The following PUDP variants were observed in gnomAD, a reference collection of about 807,000 sequenced individuals.
PUDP encodes pseudouridine-5'-phosphatase.
PUDP carries 8 observed loss-of-function variants against 9.4 expected under a neutral mutation model. The ratio of observed to expected loss-of-function variants is 0.85; its 90% confidence interval spans 0.50 to 1.53. The LOEUF (loss-of-function observed/expected upper bound fraction) is 1.53. PUDP is among the 40% of genes most tolerant of loss of function. The pLI, the probability that PUDP is intolerant of heterozygous loss-of-function variation, is 0.00. For missense variants in PUDP, 188 were observed against 189.7 expected, an observed-to-expected ratio of 0.99 and a Z score of 0.05; for synonymous variants, 99 against 80.7, an observed-to-expected ratio of 1.23 and a Z score of -1.22.
At chrX:7,060,201 C>A (rs1930360636) in intron 3 of PUDP, among the ~76,000 whole-genome samples, 1 of 111,943 alleles carries the variant, frequency 8.9e-6, no homozygotes, top group Non-Finnish European at 1.9e-5. Flanking sequence ...CACAGGGATG[C>A]CCTCAGTTCT....
chrX:7,136,017 C>T (rs1178866547), intron 1 of PUDP, among the ~76,000 whole-genome samples: 2 of 111,402 alleles, frequency 1.8e-5, no homozygotes, highest in Non-Finnish European at 3.8e-5. Flanking sequence ...GATTTTTTTC[C>T]CCAATCTAAG....
chrX:7,146,875 T>TA (rs1932874697), intron 1 of PUDP, among the ~76,000 whole-genome samples: 1 of 96,838 alleles, frequency 1.0e-5, no homozygotes, highest in African/African-American at 3.8e-5. Context: ...GACATGCAAA[T>TA]ACTTCCTCCT....
chrX:6,911,676 T>C (rs1419855821), intron 3 of PUDP, among the ~76,000 whole-genome samples: 1 of 106,507 alleles, frequency 9.4e-6, no homozygotes, highest in African/African-American at 3.3e-5. Context: ...AATTGCCTTT[T>C]TAATTTTTTT....
chrX:7,137,145 G>A (rs1932757280), intron 1 of PUDP, among the ~76,000 whole-genome samples: 1 of 108,747 alleles, frequency 9.2e-6, no homozygotes, highest in South Asian at 4.1e-4. Context: ...GGAGGCTAGG[G>A]CAGGAGAATT....
At position 6,805,092 on chromosome X, in the gene PUDP, C is replaced by A. The variant is rs781591284; in HGVS notation, c.*248-98626G>T. Among the ~76,000 whole-genome samples the A allele has an allele frequency of 3.6e-5, 4 of 110,047 alleles. No individual in the cohort carries two copies. The East Asian group carries it at 1.2e-3, about 32-fold the overall frequency. ...GACCAGCCTGGGCAACATGGCGAGA[C>A]CTCATCTCTACAAAAAATATCAAAA... On this transcript the variant is annotated intron_variant and NMD_transcript_variant, in intron 3 of 3. Transcript: ENST00000655425.
chrX:6,946,624 A>G (rs1345089746), intron 3 of PUDP, among the ~76,000 whole-genome samples: 2 of 112,509 alleles, frequency 1.8e-5, no homozygotes, highest in Non-Finnish European at 3.8e-5. Context: ...AAATGTGGAA[A>G]GCTCTCAAAT....
intron 3 of PUDP, among the ~76,000 whole-genome samples, chrX:6,950,925 A>G (rs1304254915): frequency 9.8e-6 from 1 of 102,438 alleles, no homozygotes; most frequent in Non-Finnish European, 2.0e-5. Flanking sequence ...CTGCCTAACT[A>G]GCTTTGAGCT....
At chrX:6,723,672 A>AAAAACAAAAC (rs760206977), upstream of PUDP, among the ~76,000 whole-genome samples, 2,799 of 99,802 alleles carry the variant, frequency 0.028, 108 homozygotes, top group African/African-American at 0.091. Context: ...ACCCCACCAA[A>AAAAACAAAAC]AAAACAAAAC....
chrX:6,780,664 T>C (rs2146683555), intron 3 of PUDP, among the ~76,000 whole-genome samples: 1 of 111,425 alleles, frequency 9.0e-6, no homozygotes, highest in South Asian at 3.8e-4. Context: ...ACTCATTAGA[T>C]GCATGATGGC....
chrX:6,781,345 C>A (rs1304543133), intron 3 of PUDP, among the ~76,000 whole-genome samples: 1 of 111,641 alleles, frequency 9.0e-6, no homozygotes, highest in Non-Finnish European at 1.9e-5. Flanking sequence ...CATGGGTCAC[C>A]CATTACGGCA....
chrX:6,715,073 A>T (rs920273842), intron 1 of PUDP, among the ~76,000 whole-genome samples: 2 of 110,264 alleles, frequency 1.8e-5, no homozygotes, highest in Non-Finnish European at 3.8e-5. Flanking sequence ...TACACATAAA[A>T]TGTAAAGGAA....
intron 1 of PUDP, among the ~76,000 whole-genome samples, chrX:7,120,869 T>G (rs1932323425): frequency 8.9e-6 from 1 of 112,107 alleles, no homozygotes. Context: ...TTATGCTCAA[T>G]GAGAGAAGCC....
At chrX:6,812,061 C>A (rs888216357) in intron 3 of PUDP, among the ~76,000 whole-genome samples, 8 of 112,368 alleles carry the variant, frequency 7.1e-5, no homozygotes, top group African/African-American at 2.6e-4. Flanking sequence ...ATGGTTGGAA[C>A]AAAGTCAGGA....
intron 1 of PUDP, among the ~76,000 whole-genome samples, chrX:7,011,172 C>A (rs1226019288): frequency 8.9e-6 from 1 of 111,865 alleles, no homozygotes; most frequent in Non-Finnish European, 1.9e-5. Flanking sequence ...AGAGACAAGG[C>A]CAATTGCAGA....
At chrX:6,707,990 G>A (rs1326392105) in intron 1 of PUDP, among the ~76,000 whole-genome samples, 4 of 111,725 alleles carry the variant, frequency 3.6e-5, no homozygotes, top group Admixed American at 9.5e-5. Context: ...AATTTTCGAC[G>A]AAGCTCCTTT....
chrX:6,922,497 T>C (rs1015658602), intron 3 of PUDP, among the ~76,000 whole-genome samples: 6 of 112,586 alleles, frequency 5.3e-5, no homozygotes, highest in Non-Finnish European at 1.1e-4. Context: ...GGCTTCATTT[T>C]AAATTTGGAT....
chrX:7,077,445 C>T lies in PUDP; in HGVS notation c.285G>A (p.Ala95=), dbSNP rs767289351. 1.3e-5 allele frequency: 16 copies of T among 1,206,539 alleles called. No homozygotes were observed. In the South Asian group the frequency reaches 1.6e-4, roughly 12 times the overall value. The change falls in exon 3 of 4, where the codon GCG becomes GCA. Residue 95 remains alanine, a synonymous_variant. Coordinates refer to ENST00000381077, the MANE Select transcript of PUDP (RefSeq NM_012080.5). Reference sequence around the variant, plus strand: ...TCCGCAGGTGGATGATGAGTTTCTCCGCCCCTGGGGAGGAGGAGGGAAGGA... The same window carrying T: ...TCCGCAGGTGGATGATGAGTTTCTCTGCCCCTGGGGAGGAGGAGGGAAGGA... ...VFPTAALMPG[A]EKLIIHLRKH...
intron 3 of PUDP, among the ~76,000 whole-genome samples, chrX:7,056,215 T>C (rs1414349132): frequency 8.9e-6 from 1 of 112,429 alleles, no homozygotes; most frequent in Admixed American, 9.4e-5. Flanking sequence ...CAGACTGACT[T>C]TTCTCTGCAC....
At chrX:7,133,213 G>A (rs1459511267) in intron 1 of PUDP, among the ~76,000 whole-genome samples, 1 of 111,592 alleles carries the variant, frequency 9.0e-6, no homozygotes, top group East Asian at 2.8e-4. Context: ...TTGGCCACGC[G>A]GGTAGGAAGA....
Sources: gnomAD v4.1 joint callset for allele counts (sites outside exome capture counted in the v4.1 genomes callset) on GRCh38, gnomAD v4.1.1 for gene constraint, MANE v1.5 for transcripts, NCBI Gene and HGNC (gene_info 2026-07-23, HGNC 2026-07-21) for gene names.